The following BLOC1S5 variants were observed in gnomAD, a reference collection of about 807,000 sequenced individuals.
BLOC1S5 encodes biogenesis of lysosomal organelles complex 1 subunit 5, also known as biogenesis of lysosome-related organelles complex 1 subunit 5.
Under a neutral mutation model 24.3 loss-of-function variants are expected in BLOC1S5, and 27 were observed. The observed-to-expected ratio is 1.11, with a 90% confidence interval of 0.82 to 1.53. BLOC1S5 has a LOEUF of 1.53. Among genes scored for constraint, BLOC1S5 ranks in the 40% most tolerant of loss-of-function variants. The pLI is 0.00. For synonymous variants in BLOC1S5, 84 were observed against 74.5 expected, an observed-to-expected ratio of 1.13 and a Z score of -0.66; for missense variants, 239 against 229.4, an observed-to-expected ratio of 1.04 and a Z score of -0.27.
chr6:8,020,705 T>A (rs1426563910), intron 4 of BLOC1S5, among the ~76,000 whole-genome samples: 1 of 152,214 alleles, frequency 6.6e-6, no homozygotes, highest in Non-Finnish European at 1.5e-5. Context: ...ACTGGCATTG[T>A]TTTGTATAGT....
chr6:8,054,516 A>G (rs1764246412), intron 2 of BLOC1S5: 1 of 266,166 alleles, frequency 3.8e-6, no homozygotes, highest in Non-Finnish European at 7.4e-6. Flanking sequence ...GAGTCCTTGC[A>G]TGACCTAATA....
intron 3 of BLOC1S5, among the ~76,000 whole-genome samples, chr6:8,040,450 T>C (rs549597235): frequency 5.8e-4 from 88 of 152,286 alleles, no homozygotes; most frequent in African/African-American, 2.0e-3. Flanking sequence ...TCAAAATAAA[T>C]AGTTTTTTAA....
chr6:8,032,547 T>G (rs908039030), intron 3 of BLOC1S5, among the ~76,000 whole-genome samples: 1 of 152,124 alleles, frequency 6.6e-6, no homozygotes, highest in African/African-American at 2.4e-5. Flanking sequence ...ACTGGAAGCA[T>G]TCCCTTTGAA....
intron 2 of BLOC1S5, among the ~76,000 whole-genome samples, chr6:8,046,648 A>G (rs1763909037): frequency 8.0e-6 from 1 of 125,364 alleles, no homozygotes; most frequent in African/African-American, 2.5e-5. Context: ...AACAATTCTC[A>G]TGACTGATTT....
At position 8,030,020 on chromosome 6, in the gene BLOC1S5, G is replaced by GAACC. The variant is rs554551916; in HGVS notation, c.326-3599_326-3596dup. 2.5e-3 allele frequency among the ~76,000 whole-genome samples: 388 copies of GAACC among 152,192 alleles called. 3 individuals carry two copies. Among genetic ancestry groups the GAACC allele is most frequent in the African/African-American group, 8.8e-3 (366 of 41,530 alleles). ...GACCTCCCTAAACAGACAAAGCAAA[G>GAACC]AACCAGTCAGTGAATGACCTCAGTG... is the stretch of plus-strand genomic sequence containing the variant. On this transcript the variant is annotated intron_variant, in intron 3 of 4. Transcript: ENST00000397457.
intron 2 of BLOC1S5, among the ~76,000 whole-genome samples, chr6:8,049,458 G>A (rs983010247): frequency 5.9e-5 from 9 of 151,732 alleles, no homozygotes; most frequent in African/African-American, 1.7e-4. Context: ...GCTTTTTTCT[G>A]TAAATTTTAC....
chr6:8,034,782 A>G (rs1016419038), intron 3 of BLOC1S5, among the ~76,000 whole-genome samples: 1 of 152,170 alleles, frequency 6.6e-6, no homozygotes, highest in Non-Finnish European at 1.5e-5. Context: ...CAGCAATCCC[A>G]CTACTGGGTA....
At chr6:8,051,059 A>G (rs2113588131) in intron 2 of BLOC1S5, among the ~76,000 whole-genome samples, 1 of 152,086 alleles carries the variant, frequency 6.6e-6, no homozygotes, top group African/African-American at 2.4e-5. Context: ...AGGGTGGTGC[A>G]CACCTGTAGT....
At chr6:8,050,392 G>A (rs78895330) in intron 2 of BLOC1S5, among the ~76,000 whole-genome samples, 2,939 of 152,042 alleles carry the variant, frequency 0.019, 90 homozygotes, top group African/African-American at 0.066. Flanking sequence ...TTGGGCCTCC[G>A]TATTCCCTGT....
At chr6:8,020,633 C>T (rs185039841) in intron 4 of BLOC1S5, among the ~76,000 whole-genome samples, 14 of 152,328 alleles carry the variant, frequency 9.2e-5, no homozygotes, top group Admixed American at 3.9e-4. Flanking sequence ...CTGAGTGAGG[C>T]TGCCCAGCAG....
At chr6:8,021,871 A>T (rs1762926091) in intron 4 of BLOC1S5, among the ~76,000 whole-genome samples, 1 of 152,174 alleles carries the variant, frequency 6.6e-6, no homozygotes, top group Non-Finnish European at 1.5e-5. Flanking sequence ...TTTATTAATA[A>T]CCTATAACCA....
intron 4 of BLOC1S5, among the ~76,000 whole-genome samples, chr6:8,019,341 T>G (rs905510106): frequency 2.0e-5 from 3 of 150,838 alleles, no homozygotes; most frequent in African/African-American, 7.3e-5. Flanking sequence ...CAATCTTAGC[T>G]CACTGCAACC....
At chr6:8,057,995 A>G (rs1460018077) in intron 2 of BLOC1S5, among the ~76,000 whole-genome samples, 1 of 152,134 alleles carries the variant, frequency 6.6e-6, no homozygotes, top group African/African-American at 2.4e-5. Context: ...CTTTGTTTAC[A>G]TGCCTTTCTT....
intron 2 of BLOC1S5, among the ~76,000 whole-genome samples, chr6:8,055,853 C>T (rs1354668590): frequency 6.6e-6 from 1 of 152,082 alleles, no homozygotes. Flanking sequence ...TCCAAATGGC[C>T]CACTGCTATA....
At chr6:8,026,613 G>A (rs1366771190) in intron 3 of BLOC1S5, among the ~76,000 whole-genome samples, 188 bp from the exon 4 acceptor site, 1 of 152,156 alleles carries the variant, frequency 6.6e-6, no homozygotes, top group Admixed American at 6.5e-5. Context: ...AATATATTCA[G>A]GATGTCATAA....
chr6:8,048,629 A>G (rs1001895379), intron 2 of BLOC1S5, among the ~76,000 whole-genome samples: 1 of 152,210 alleles, frequency 6.6e-6, no homozygotes, highest in African/African-American at 2.4e-5. Flanking sequence ...TGATTACTAA[A>G]ATAAGAAATT....
chr6:8,036,545 G>A (rs1169795016), intron 3 of BLOC1S5, among the ~76,000 whole-genome samples: 1 of 152,028 alleles, frequency 6.6e-6, no homozygotes, highest in Non-Finnish European at 1.5e-5. Context: ...TCCTATCGAA[G>A]AAAAGCCCAG....
At chr6:8,047,762 C>T (rs902684945) in intron 2 of BLOC1S5, among the ~76,000 whole-genome samples, 1 of 152,164 alleles carries the variant, frequency 6.6e-6, no homozygotes, top group African/African-American at 2.4e-5. Flanking sequence ...AACTAAAGCC[C>T]TGATCAAATT....
intron 4 of BLOC1S5, among the ~76,000 whole-genome samples, chr6:8,020,869 T>C (rs1762893355): frequency 6.6e-6 from 1 of 152,174 alleles, no homozygotes; most frequent in African/African-American, 2.4e-5. Context: ...TACATAGAAT[T>C]ACCATACAAA....
Sources: allele counts gnomAD v4.1 joint callset (sites outside exome capture counted in the v4.1 genomes callset), GRCh38; gene constraint gnomAD v4.1.1; transcripts MANE v1.5; gene names NCBI Gene and HGNC (gene_info 2026-07-23, HGNC 2026-07-21).